Variants in LYSMD2 observed in about 807,000 individuals in gnomAD.
LYSMD2 encodes the protein lysM and putative peptidoglycan-binding domain-containing protein 2.
In LYSMD2, 6 loss-of-function variants were observed where a neutral mutation model predicts 17.7. The observed-to-expected ratio is 0.34, with a 90% CI of 0.19 to 0.67. LYSMD2 has a LOEUF of 0.67. Ranked by LOEUF, LYSMD2 falls within the 30% of genes least tolerant of loss-of-function variation. The pLI is 0.69. For missense variants in LYSMD2, 237 were observed against 286.7 expected (o/e 0.83, Z 1.25); for synonymous variants, 102 against 129.8 (o/e 0.79, Z 1.45).
At chr15:51,730,824 T>G (rs2055571733) in intron 1 of LYSMD2, among the ~76,000 whole-genome samples, 3 of 152,212 alleles carry the variant, frequency 2.0e-5, no homozygotes, top group African/African-American at 7.2e-5. Flanking sequence ...CTCATCTGAT[T>G]ATTAGTTTAC....
At chr15:51,743,282 T>C (rs689842) in intron 1 of LYSMD2, among the ~76,000 whole-genome samples, 4,219 of 152,318 alleles carry the variant, frequency 0.028, 177 homozygotes, top group African/African-American at 0.097. Context: ...AGTGGGCTGA[T>C]TCATCTTGAG....
chr15:51,743,163 T>TG (rs1243122533), intron 1 of LYSMD2, among the ~76,000 whole-genome samples: 1 of 152,250 alleles, frequency 6.6e-6, no homozygotes, highest in East Asian at 1.9e-4. Context: ...TTTTTTGAGA[T>TG]GGGGGTCTCA....
At chr15:51,727,324 A>G (rs1045646555) in intron 1 of LYSMD2, among the ~76,000 whole-genome samples, 1 of 152,164 alleles carries the variant, frequency 6.6e-6, no homozygotes, top group African/African-American at 2.4e-5. Flanking sequence ...CGACCTTACC[A>G]TAACCAGTGG....
At chr15:51,728,432 C>G (rs983941312) in intron 1 of LYSMD2, among the ~76,000 whole-genome samples, 1 of 144,944 alleles carries the variant, frequency 6.9e-6, no homozygotes, top group Non-Finnish European at 1.5e-5. Flanking sequence ...CACACACACA[C>G]ATATGGCACA....
intron 1 of LYSMD2, among the ~76,000 whole-genome samples, chr15:51,735,896 T>C (rs990839011): frequency 6.6e-6 from 1 of 152,240 alleles, no homozygotes; most frequent in African/African-American, 2.4e-5. Context: ...TAAGGCAAGA[T>C]GCCTGAAAAC....
upstream of LYSMD2, among the ~76,000 whole-genome samples, chr15:51,738,427 T>A (rs145329558): frequency 6.6e-6 from 1 of 152,308 alleles, no homozygotes; most frequent in East Asian, 1.9e-4. Context: ...ATTTACTGTC[T>A]GCATTCATCT....
chr15:51,733,525 C>T (rs1390486371), intron 1 of LYSMD2, among the ~76,000 whole-genome samples: 3 of 151,768 alleles, frequency 2.0e-5, no homozygotes, highest in South Asian at 2.1e-4. Context: ...AGAAAGGCTA[C>T]AATTTGACAT....
chr15:51,748,887 G>A (rs1595856440), intron 1 of LYSMD2, among the ~76,000 whole-genome samples: 2 of 152,352 alleles, frequency 1.3e-5, no homozygotes, highest in East Asian at 1.9e-4. Context: ...AACCAACAGT[G>A]TCTACTACCT....
chr15:51,744,371 A>C (rs1290364806), intron 1 of LYSMD2, among the ~76,000 whole-genome samples: 1 of 152,096 alleles, frequency 6.6e-6, no homozygotes, highest in African/African-American at 2.4e-5. Flanking sequence ...ACTATGTCAA[A>C]AGTTTTTTCT....
At chr15:51,739,190 G>T (rs1288736388), upstream of LYSMD2, among the ~76,000 whole-genome samples, 1 of 152,114 alleles carries the variant, frequency 6.6e-6, no homozygotes, top group Non-Finnish European at 1.5e-5. Context: ...AATACCTCTG[G>T]TTTAGTATTT....
In LYSMD2 at chr15:51,725,018, T is replaced by C. The variant is rs781136751; in HGVS notation, c.377A>G (p.Asn126Ser). Residue 126 changes from asparagine to serine, a missense_variant, in exon 2 of 3, where the codon AAT (asparagine) becomes AGT (serine). Coordinates refer to ENST00000267838, the MANE Select transcript of LYSMD2 (RefSeq NM_153374.3). ...PVISEKPLLF[N>S]GLNSIDSPEN... is the part of the protein sequence containing the mutation. The stretch of plus-strand genomic sequence containing the variant: ...TGGAGAATCAATGGAGTTAAGTCCA[T>C]TAAACAACAAAGGCTTCTCTGATAT... 6.2e-7 allele frequency: 1 copy of C among 1,613,998 alleles called. No homozygotes were observed. Among genetic ancestry groups the C allele is most frequent in the Non-Finnish European group, 8.5e-7 (1 of 1,179,854 alleles).
At chr15:51,750,855 G>A (rs1168911364) in intron 1 of LYSMD2, among the ~76,000 whole-genome samples, 2 of 152,164 alleles carry the variant, frequency 1.3e-5, no homozygotes, top group African/African-American at 4.8e-5. Context: ...AAACCCAGTG[G>A]ATTTTAACAT....
At position 51,745,933 on chromosome 15, in the gene LYSMD2, A is replaced by G. The variant is rs1409000386; in HGVS notation, c.-1+5338T>C. 2.0e-5 allele frequency among the ~76,000 whole-genome samples: 3 copies of G among 152,236 alleles called. No homozygotes were observed. In the East Asian group the frequency reaches 5.8e-4, roughly 29 times the overall value. On this transcript the variant is annotated intron_variant, in intron 1 of 2. Transcript: ENST00000454181. ...ACTGCATATTAACTAGGATGGCTATAATTTTAAAAAGACATTAACGAGTGT... is the reference window on the plus strand; with the variant it reads ...ACTGCATATTAACTAGGATGGCTATGATTTTAAAAAGACATTAACGAGTGT...
At chr15:51,724,644 A>AGAAATTAAGAAAGAG in intron 2 of LYSMD2, 146 bp downstream of exon 2, 1 of 521,190 alleles carries the variant, frequency 1.9e-6, no homozygotes, top group Non-Finnish European at 3.1e-6. Flanking sequence ...TTAAGAAAGA[A>AGAAATTAAGAAAGAG]AGAAATTAAG....
intron 1 of LYSMD2, among the ~76,000 whole-genome samples, chr15:51,748,238 G>A (rs1232902445): frequency 7.7e-6 from 1 of 130,146 alleles, no homozygotes; most frequent in Non-Finnish European, 1.5e-5. Context: ...ACTCCAGCCT[G>A]GTGACAGAAC....
intron 1 of LYSMD2, among the ~76,000 whole-genome samples, chr15:51,746,317 A>C (rs1489564997): frequency 1.3e-5 from 2 of 152,238 alleles, no homozygotes; most frequent in Non-Finnish European, 2.9e-5. Context: ...ATGAACCCTA[A>C]AAATATTATA....
intron 1 of LYSMD2, among the ~76,000 whole-genome samples, chr15:51,732,948 T>C (rs768672567): frequency 6.6e-6 from 1 of 152,232 alleles, no homozygotes; most frequent in Non-Finnish European, 1.5e-5. Context: ...ATCGTTTTAA[T>C]ACACAAGTCA....
intron 1 of LYSMD2, among the ~76,000 whole-genome samples, chr15:51,749,538 T>C (rs1435064831): frequency 1.3e-5 from 2 of 152,366 alleles, no homozygotes; most frequent in East Asian, 3.9e-4. Flanking sequence ...GAATACTCTA[T>C]TCGTTTTATC....
At chr15:51,751,144 A>G (rs1331633163) in intron 1 of LYSMD2, 1 of 618,044 alleles carries the variant, frequency 1.6e-6, no homozygotes, top group African/African-American at 1.8e-5. Flanking sequence ...CCCTCACGCC[A>G]TCACCCTAGA....
Sources: gnomAD v4.1 joint callset for allele counts (sites outside exome capture counted in the v4.1 genomes callset) on GRCh38, gnomAD v4.1.1 for gene constraint, MANE v1.5 for transcripts, NCBI Gene and HGNC (gene_info 2026-07-23, HGNC 2026-07-21) for gene names.